BCKDHB: variants seen among roughly 807,000 people sequenced by gnomAD.
BCKDHB encodes 2-oxoisovalerate dehydrogenase subunit beta, mitochondrial.
In BCKDHB, 41 loss-of-function variants were observed where a neutral mutation model predicts 48.5. The observed-to-expected ratio is 0.85, with a 90% CI of 0.66 to 1.10. The LOEUF is 1.10. BCKDHB is among the 50% of genes least tolerant of loss of function. The probability of loss-of-function intolerance (pLI) is 0.00; values close to 1 mark genes in which losing one functional copy is unlikely to be tolerated. For synonymous variants in BCKDHB, 201 were observed against 174.8 expected (o/e 1.15, Z -1.18); for missense variants, 496 against 494.2 (o/e 1.00, Z -0.03).
chr6:80,108,191 G>T (rs1475854070), intron 1 of BCKDHB, among the ~76,000 whole-genome samples: 1 of 152,002 alleles, frequency 6.6e-6, no homozygotes, highest in Non-Finnish European at 1.5e-5. Context: ...GAATCTAATT[G>T]ATCAGATTCC....
At chr6:80,205,642 G>A (rs1344216743) in intron 8 of BCKDHB, among the ~76,000 whole-genome samples, 1 of 152,028 alleles carries the variant, frequency 6.6e-6, no homozygotes, top group Non-Finnish European at 1.5e-5. Context: ...AAAAATTAGA[G>A]ACTTAAATGG....
At chr6:80,200,791 C>A in intron 6 of BCKDHB, 143 bp from the exon 7 acceptor site, 1 of 664,686 alleles carries the variant, frequency 1.5e-6, no homozygotes, top group Non-Finnish European at 2.6e-6. Context: ...ATCATAAATG[C>A]TATTTCTGTT....
intron 3 of BCKDHB, among the ~76,000 whole-genome samples, chr6:80,133,052 T>C (rs1770711281): frequency 6.6e-6 from 1 of 152,144 alleles, no homozygotes; most frequent in East Asian, 1.9e-4. Context: ...TTAAATGACA[T>C]AGCAAAGAAA....
At chr6:80,235,286 G>A (rs563779434) in intron 8 of BCKDHB, among the ~76,000 whole-genome samples, 41 of 152,244 alleles carry the variant, frequency 2.7e-4, no homozygotes, top group South Asian at 8.3e-4. Flanking sequence ...ATGTACAACT[G>A]TTATGTGTCA....
chr6:80,363,553 A>G, the BCKDHB span, among the ~76,000 whole-genome samples: 2 of 152,284 alleles, frequency 1.3e-5, no homozygotes, highest in Admixed American at 1.3e-4. Context: ...TGAATTTTCT[A>G]TGATTTTGTA....
chr6:80,419,336 G>T, the BCKDHB span, among the ~76,000 whole-genome samples: 10 of 152,168 alleles, frequency 6.6e-5, no homozygotes, highest in African/African-American at 2.4e-4. Flanking sequence ...AGAAGCTATG[G>T]TGTGGGATCC....
chr6:80,286,555 ATTTTCC>A (rs1766635510), intron 9 of BCKDHB, among the ~76,000 whole-genome samples: 1 of 152,140 alleles, frequency 6.6e-6, no homozygotes, highest in African/African-American at 2.4e-5. Context: ...CTATTGAATT[ATTTTCC>A]TTAGGGACAA....
At chr6:80,436,147 CTTTTTTTTTTTTTT>C in the BCKDHB span, among the ~76,000 whole-genome samples, 1 of 70,340 alleles carries the variant, frequency 1.4e-5, no homozygotes, top group African/African-American at 4.6e-5. Flanking sequence ...AAATTCTTTT[CTTTTTTTTTTTTTT>C]TTTTTTTTTT....
chr6:80,414,869 G>A, the BCKDHB span, among the ~76,000 whole-genome samples: 30 of 152,252 alleles, frequency 2.0e-4, no homozygotes, highest in African/African-American at 6.5e-4. Context: ...CAAGGATATT[G>A]AATCTTCCTA....
In BCKDHB at chr6:80,140,879, G is replaced by A. The variant is rs192349362; in HGVS notation, c.343+11650G>A. 1.7e-3 allele frequency among the ~76,000 whole-genome samples: 264 copies of A among 152,264 alleles called. 1 individual carries two copies. The highest frequency in any genetic ancestry group is 6.0e-3 in the African/African-American group (250 of 41,552). On this transcript the variant is annotated intron_variant, in intron 3 of 9. Transcript: ENST00000320393. ...GATTGGAATAGTTTCAGAAGGAATG[G>A]TACCAGTTCCTCCTTGTACCTCTGG...
intron 8 of BCKDHB, among the ~76,000 whole-genome samples, chr6:80,206,830 C>T (rs959411301): frequency 6.6e-6 from 1 of 151,714 alleles, no homozygotes; most frequent in East Asian, 1.9e-4. Context: ...AAATCTCTAA[C>T]AGTATCTAAA....
At chr6:80,286,635 A>G (rs1389670108) in intron 9 of BCKDHB, among the ~76,000 whole-genome samples, 2 of 152,110 alleles carry the variant, frequency 1.3e-5, no homozygotes, top group Non-Finnish European at 2.9e-5. Context: ...CATATGGATA[A>G]TTGCTTTGAG....
intron 9 of BCKDHB, among the ~76,000 whole-genome samples, chr6:80,322,764 C>T (rs1168387984): frequency 6.6e-6 from 1 of 152,092 alleles, no homozygotes; most frequent in Admixed American, 6.5e-5. Context: ...TATGGAGAAT[C>T]CCCAGAGTGA....
At chr6:80,271,075 T>G (rs1398219690) in intron 8 of BCKDHB, among the ~76,000 whole-genome samples, 1 of 152,104 alleles carries the variant, frequency 6.6e-6, no homozygotes, top group Non-Finnish European at 1.5e-5. Context: ...GGAGAAACTA[T>G]TTTTGATATT....
chr6:80,338,931 CA>C (rs1296380446), intron 9 of BCKDHB, among the ~76,000 whole-genome samples: 1 of 151,948 alleles, frequency 6.6e-6, no homozygotes, highest in African/African-American at 2.4e-5. Context: ...GGTTAAGTCA[CA>C]ATGGAACAAA....
At chr6:80,214,423 A>G (rs1775075429) in intron 8 of BCKDHB, among the ~76,000 whole-genome samples, 1 of 152,222 alleles carries the variant, frequency 6.6e-6, no homozygotes, top group Non-Finnish European at 1.5e-5. Flanking sequence ...CAGTTAAAAT[A>G]TACATTTTAA....
intron 9 of BCKDHB, among the ~76,000 whole-genome samples, chr6:80,333,600 A>G (rs1015799981): frequency 3.9e-5 from 6 of 152,146 alleles, no homozygotes; most frequent in African/African-American, 1.4e-4. Flanking sequence ...ATAAGTCATT[A>G]TCTTTGGTGT....
chr6:80,460,432 G>A, the BCKDHB span, among the ~76,000 whole-genome samples: 1 of 152,140 alleles, frequency 6.6e-6, no homozygotes, highest in Non-Finnish European at 1.5e-5. Context: ...AGGGCACACA[G>A]CAGGAAAGCT....
chr6:80,210,149 A>C (rs909283795), intron 8 of BCKDHB, among the ~76,000 whole-genome samples: 22 of 151,846 alleles, frequency 1.4e-4, no homozygotes, highest in African/African-American at 2.9e-4. Context: ...AAAAAAAAAA[A>C]AAAAACCAGA....
Sources: allele counts gnomAD v4.1 joint callset (sites outside exome capture counted in the v4.1 genomes callset), GRCh38; gene constraint gnomAD v4.1.1; transcripts MANE v1.5; gene names NCBI Gene and HGNC (gene_info 2026-07-23, HGNC 2026-07-21).